Variants in PACRG observed in about 807,000 individuals in gnomAD.
PACRG encodes the protein parkin coregulated.
A neutral mutation model predicts 29.7 loss-of-function variants in PACRG; 29 were observed. That is an observed-to-expected ratio of 0.98 (90% confidence interval 0.73 to 1.33). PACRG has a LOEUF of 1.33. Ranked by LOEUF, PACRG falls within the 40% of genes most tolerant of loss-of-function variation. The pLI is 0.00. For synonymous variants in PACRG, 116 were observed against 118.7 expected (o/e 0.98, Z 0.15); for missense variants, 279 against 316.2 (o/e 0.88, Z 0.89).
Position 163,269,928 on chromosome 6 carries a change from AAAC to A in PACRG, c.614-44896_614-44894del, listed in dbSNP as rs1476695639. On this transcript the variant is annotated intron_variant, in intron 4 of 4. Coordinates refer to ENST00000366888, the MANE Select transcript of PACRG (RefSeq NM_001080379.2). ...AAAGAAAGAAAGAAAGAAAGAAAGA[AAAC>A]AAAGAAAGAAAGAAAGAAAGAAAGA... is the stretch of plus-strand genomic sequence containing the variant. Among the ~76,000 whole-genome samples, 3 of 35,200 alleles carry A rather than the reference AAAC, an allele frequency of 8.5e-5. 1 individual carries two copies. Among genetic ancestry groups the A allele is most frequent in the African/African-American group, 5.1e-4 (3 of 5,830 alleles). 23.1% of individuals were successfully genotyped at this position (35,200 alleles called of 152,430 possible).
chr6:163,183,633 A>G (rs1266747791), intron 4 of PACRG: 2 of 152,216 alleles, frequency 1.3e-5, no homozygotes, highest in South Asian at 2.1e-4. Context: ...ACCTTGATTT[A>G]TACCTACAGA....
chr6:162,881,847 C>T (rs757180545), intron 2 of PACRG, among the ~76,000 whole-genome samples: 49 of 150,472 alleles, frequency 3.3e-4, no homozygotes, highest in Non-Finnish European at 6.1e-4. Context: ...GCAGGGTGCG[C>T]TCTCCACCAA....
chr6:163,092,470 A>C (rs1314622588), intron 4 of PACRG, among the ~76,000 whole-genome samples: 1 of 152,236 alleles, frequency 6.6e-6, no homozygotes, highest in East Asian at 1.9e-4. Context: ...GTTCTAGCAG[A>C]GAAAGTGGCT....
At chr6:163,000,009 A>G (rs1477433423) in intron 2 of PACRG, among the ~76,000 whole-genome samples, 1 of 152,238 alleles carries the variant, frequency 6.6e-6, no homozygotes, top group Non-Finnish European at 1.5e-5. Flanking sequence ...ATGTACTTGT[A>G]ACATCCTATG....
At chr6:162,755,512 T>C (rs1781844742) in intron 1 of PACRG, among the ~76,000 whole-genome samples, 1 of 152,126 alleles carries the variant, frequency 6.6e-6, no homozygotes, top group South Asian at 2.1e-4. Flanking sequence ...CTCGGCTCAC[T>C]GCAACCTCTG....
rs556120364 is a variant in PACRG, at chr6:162,887,833, A to G, written c.291+73552A>G. On this transcript the variant is annotated intron_variant, in intron 2 of 4. Coordinates refer to ENST00000366888, the MANE Select transcript of PACRG (RefSeq NM_001080379.2). The stretch of plus-strand genomic sequence containing the variant: ...CGGTCTTTGGTCTTCATGACTCAGC[A>G]TCCAGTCTCTGAGGGTGGGTGAGGC... 1.3e-4 allele frequency among the ~76,000 whole-genome samples: 20 copies of G among 152,246 alleles called. 1 individual carries two copies. In the South Asian group the frequency reaches 4.1e-3, roughly 32 times the overall value.
At chr6:163,239,907 C>T (rs1242643103) in intron 4 of PACRG, among the ~76,000 whole-genome samples, 2 of 148,614 alleles carry the variant, frequency 1.3e-5, no homozygotes, top group Admixed American at 6.7e-5. Context: ...CACTGTCACA[C>T]GCTCATACTT....
chr6:163,072,635 G>C (rs151274454), intron 3 of PACRG, among the ~76,000 whole-genome samples: 1 of 152,160 alleles, frequency 6.6e-6, no homozygotes, highest in African/African-American at 2.4e-5. Flanking sequence ...AAGAGATAAA[G>C]GGGATCCAAA....
At chr6:162,727,341 GC>G (rs1779299724), upstream of PACRG, 2 of 404,626 alleles carry the variant, frequency 4.9e-6, no homozygotes, top group Non-Finnish European at 8.8e-6. Flanking sequence ...CGGGGAGAAG[GC>G]TTCGGGACCC....
intron 2 of PACRG, among the ~76,000 whole-genome samples, chr6:162,955,490 C>T (rs537527604): frequency 4.6e-5 from 7 of 152,024 alleles, no homozygotes; most frequent in African/African-American, 1.7e-4. Context: ...TAGTAGATAC[C>T]GGGTTTGCCC....
At chr6:162,855,012 G>A (rs1791259133) in intron 2 of PACRG, among the ~76,000 whole-genome samples, 1 of 152,258 alleles carries the variant, frequency 6.6e-6, no homozygotes, top group Non-Finnish European at 1.5e-5. Context: ...AGCGCGCCTG[G>A]CTTGGTCGCT....
chr6:163,065,335 C>CG (rs1811441303), intron 3 of PACRG, among the ~76,000 whole-genome samples: 1 of 152,070 alleles, frequency 6.6e-6, no homozygotes, highest in Admixed American at 6.5e-5. Context: ...TTGTCTGGAT[C>CG]GGGGATTACA....
At chr6:163,243,904 C>T (rs779837185) in intron 4 of PACRG, among the ~76,000 whole-genome samples, 28 of 152,146 alleles carry the variant, frequency 1.8e-4, no homozygotes, top group Non-Finnish European at 1.5e-4. Flanking sequence ...AAACAGGGTC[C>T]GTGATTGATG....
chr6:162,827,042 TATTA>T (rs970907190), intron 2 of PACRG, among the ~76,000 whole-genome samples: 7 of 152,172 alleles, frequency 4.6e-5, no homozygotes, highest in Admixed American at 6.5e-5. Flanking sequence ...GTAGACTTGT[TATTA>T]ATTTTTATTT....
chr6:162,972,418 CT>C (rs898720532), intron 2 of PACRG, among the ~76,000 whole-genome samples: 1 of 151,928 alleles, frequency 6.6e-6, no homozygotes, highest in Non-Finnish European at 1.5e-5. Flanking sequence ...TTTCAGTTGG[CT>C]TTTTTTTATC....
intron 4 of PACRG, among the ~76,000 whole-genome samples, chr6:163,108,931 C>G (rs1312246113): frequency 3.3e-5 from 5 of 152,090 alleles, no homozygotes; most frequent in African/African-American, 1.2e-4. Context: ...ACCAAGAAAC[C>G]TACAAAAGCC....
At chr6:162,927,087 T>A (rs1270034882) in intron 2 of PACRG, among the ~76,000 whole-genome samples, 1 of 151,898 alleles carries the variant, frequency 6.6e-6, no homozygotes, top group Non-Finnish European at 1.5e-5. Flanking sequence ...GAAATGCAAA[T>A]CAAAACCATG....
chr6:162,940,731 C>T (rs1316320220), intron 2 of PACRG, among the ~76,000 whole-genome samples: 3 of 152,054 alleles, frequency 2.0e-5, no homozygotes, highest in African/African-American at 4.8e-5. Context: ...TTTTCTGCTT[C>T]GGGTTTGATT....
At chr6:163,215,294 A>G (rs1174295614) in intron 4 of PACRG, among the ~76,000 whole-genome samples, 1 of 152,384 alleles carries the variant, frequency 6.6e-6, no homozygotes, top group Admixed American at 6.5e-5. Context: ...AAATAAGCTT[A>G]AATAGAGAAA....
Sources: allele counts gnomAD v4.1 joint callset (sites outside exome capture counted in the v4.1 genomes callset), GRCh38; gene constraint gnomAD v4.1.1; transcripts MANE v1.5; gene names NCBI Gene and HGNC (gene_info 2026-07-23, HGNC 2026-07-21).